Variants in CSPP1 observed in about 807,000 individuals in gnomAD.
CSPP1 encodes centrosome and spindle pole associated protein 1.
In CSPP1, 126 loss-of-function variants were observed where a neutral mutation model predicts 164.4. The ratio of observed to expected loss-of-function variants is 0.77; its 90% CI spans 0.66 to 0.89. The LOEUF is 0.89. Ranked by LOEUF, CSPP1 falls within the 40% of genes least tolerant of loss-of-function variation. The probability of loss-of-function intolerance (pLI) is 0.00; values close to 1 mark genes in which losing one functional copy is unlikely to be tolerated. For missense variants in CSPP1, 1,395 were observed against 1,449.8 expected (o/e 0.96, Z 0.61); for synonymous variants, 472 against 476.7 (o/e 0.99, Z 0.13).
At chr8:67,081,673 A>G (rs1315322970) in intron 3 of CSPP1, among the ~76,000 whole-genome samples, 2 of 152,242 alleles carry the variant, frequency 1.3e-5, no homozygotes, top group Non-Finnish European at 2.9e-5. Context: ...AATCATTTAA[A>G]TGCTCCCATT....
At chr8:67,185,930 A>T (rs1834455416) in intron 28 of CSPP1, among the ~76,000 whole-genome samples, 1 of 152,186 alleles carries the variant, frequency 6.6e-6, no homozygotes, top group African/African-American at 2.4e-5. Context: ...CTAAAACACC[A>T]AAAGGACCTA....
intron 24 of CSPP1, among the ~76,000 whole-genome samples, chr8:67,166,762 TTTCTCGCAGAGGGGGA>T (rs1380179690): frequency 6.6e-6 from 1 of 151,914 alleles, no homozygotes. Flanking sequence ...TTCTTGGGTG[TTTCTCGCAGAGGGGGA>T]TTTTGTAGGG....
intron 15 of CSPP1, among the ~76,000 whole-genome samples, chr8:67,120,774 GCA>G (rs2129551853): frequency 6.6e-6 from 1 of 151,844 alleles, no homozygotes; most frequent in African/African-American, 2.4e-5. Flanking sequence ...AGGATTTTCT[GCA>G]AATAAGATGA....
At chr8:67,150,705 C>T (rs1381414998) in intron 18 of CSPP1, among the ~76,000 whole-genome samples, 1 of 152,098 alleles carries the variant, frequency 6.6e-6, no homozygotes, top group Admixed American at 6.5e-5. Context: ...GGTTACATGC[C>T]TCTTAACTAC....
At chr8:67,064,606 G>A in intron 1 of CSPP1, 68 bp downstream of exon 1, 1 of 1,441,130 alleles carries the variant, frequency 6.9e-7, no homozygotes, top group South Asian at 1.4e-5. Context: ...CCCGGAGCGG[G>A]GGCAGGGGCA....
chr8:67,070,057 AG>A (rs67427649), intron 1 of CSPP1, among the ~76,000 whole-genome samples: 152,349 of 152,350 alleles, frequency 1, 76,174 homozygotes, highest in Non-Finnish European at 1. Flanking sequence ...TAGAATATTT[AG>A]GGAAGATTAG....
rs111620388 is a variant in CSPP1, at chr8:67,096,149, C to T, written c.923+417C>T. On this transcript the variant is annotated intron_variant, in intron 7 of 30. Transcript: ENST00000678616. ...CAGTCCGAATTCATACTGCCAGTAG[C>T]GTCCAAAGAAACCTTGAGGCAAGAA... Among the ~76,000 whole-genome samples the T allele has an allele frequency of 9.8e-3, 1,492 of 152,278 alleles. 13 individuals carry two copies. Among genetic ancestry groups the T allele is most frequent in the Non-Finnish European group, 0.015 (1,034 of 68,004 alleles).
chr8:67,178,691 T>G lies in CSPP1; in HGVS notation c.3156+965T>G, dbSNP rs1329923316. Among the ~76,000 whole-genome samples, 5 of 152,222 alleles carry G rather than the reference T, an allele frequency of 3.3e-5. No homozygotes were observed. In the East Asian group the frequency reaches 9.7e-4, roughly 29 times the overall value. On this transcript the variant is annotated intron_variant, in intron 27 of 30. Transcript: ENST00000678616. ...TCTATGGGAAATGTGGGGGAACTTC[T>G]GGAGGAAGAACATTCCAGGAAGAGG...
At chr8:67,089,471 T>C (rs1340941665) in intron 4 of CSPP1, among the ~76,000 whole-genome samples, 3 of 152,240 alleles carry the variant, frequency 2.0e-5, no homozygotes, top group African/African-American at 4.8e-5. Context: ...GAATTCTTGA[T>C]TTCTGTTCTT....
intron 3 of CSPP1, among the ~76,000 whole-genome samples, chr8:67,076,842 C>A (rs530466168): frequency 9.0e-4 from 137 of 152,144 alleles, no homozygotes; most frequent in Non-Finnish European, 1.4e-3. Flanking sequence ...AAATTGAAAA[C>A]TTTGAAAGGA....
intron 1 of CSPP1, among the ~76,000 whole-genome samples, chr8:67,068,553 A>C (rs947489965): frequency 2.0e-5 from 3 of 152,224 alleles, no homozygotes; most frequent in Non-Finnish European, 4.4e-5. Flanking sequence ...CTTACTCTAT[A>C]TTGTACCTAT....
intron 17 of CSPP1, among the ~76,000 whole-genome samples, chr8:67,138,987 C>A (rs1286158179): frequency 6.6e-6 from 1 of 152,134 alleles, no homozygotes; most frequent in Non-Finnish European, 1.5e-5. Context: ...AGGAAGGTAT[C>A]CAGTTTCAGC....
intron 3 of CSPP1, among the ~76,000 whole-genome samples, chr8:67,082,377 G>A (rs1809394250): frequency 6.6e-6 from 1 of 151,964 alleles, no homozygotes; most frequent in South Asian, 2.1e-4. Context: ...ATTCCTCTTT[G>A]TCTTAGGTTT....
chr8:67,084,961 A>G (rs1009970903), intron 3 of CSPP1, among the ~76,000 whole-genome samples: 1 of 152,194 alleles, frequency 6.6e-6, no homozygotes, highest in South Asian at 2.1e-4. Flanking sequence ...TTTACACACC[A>G]TAACATTTAC....
chr8:67,139,860 G>A (rs1004645107), intron 17 of CSPP1, among the ~76,000 whole-genome samples: 1 of 152,140 alleles, frequency 6.6e-6, no homozygotes, highest in Non-Finnish European at 1.5e-5. Context: ...AGGGGAGCGG[G>A]GAGGGATAGC....
intron 26 of CSPP1, among the ~76,000 whole-genome samples, chr8:67,176,536 A>G (rs768843317): frequency 5.3e-5 from 8 of 152,178 alleles, no homozygotes; most frequent in African/African-American, 7.2e-5. Flanking sequence ...AGCAGTAGGT[A>G]TATCATCTGG....
At chr8:67,101,349 TATTCCC>T (rs1340992768) in intron 7 of CSPP1, among the ~76,000 whole-genome samples, 5 of 152,240 alleles carry the variant, frequency 3.3e-5, no homozygotes, top group Non-Finnish European at 7.3e-5. Context: ...CCAAAATCTA[TATTCCC>T]AGGTGCCAGC....
intron 9 of CSPP1, among the ~76,000 whole-genome samples, chr8:67,109,081 G>A (rs1223801462): frequency 6.6e-6 from 1 of 152,208 alleles, no homozygotes; most frequent in African/African-American, 2.4e-5. Context: ...TCTGGGCATG[G>A]TTTACTGAAC....
At chr8:67,159,949 C>CTTTT (rs1477786503) in intron 21 of CSPP1, among the ~76,000 whole-genome samples, 983 of 36,222 alleles carry the variant, frequency 0.027, 38 homozygotes, top group Middle Eastern at 0.062. Context: ...TTCCTTCCTT[C>CTTTT]CTTCCTTCTT....
Sources: gnomAD v4.1 joint callset for allele counts (sites outside exome capture counted in the v4.1 genomes callset) on GRCh38, gnomAD v4.1.1 for gene constraint, MANE v1.5 for transcripts, NCBI Gene and HGNC (gene_info 2026-07-23, HGNC 2026-07-21) for gene names.